Variants in GOLT1B observed in about 807,000 individuals in gnomAD.
GOLT1B encodes the protein golgi transport 1B.
In GOLT1B, 3 loss-of-function variants were observed where a neutral mutation model predicts 15.4. That is an observed-to-expected ratio of 0.19 (90% CI 0.09 to 0.50). GOLT1B has a LOEUF of 0.50. Among genes scored for constraint, GOLT1B ranks in the 20% least tolerant of loss-of-function variants. The pLI is 0.97. For missense variants in GOLT1B, 145 were observed against 160.4 expected (o/e 0.90, Z 0.52); for synonymous variants, 65 against 56.2 (o/e 1.16, Z -0.70).
intron 3 of GOLT1B, 75 bp from the exon 4 acceptor site, chr12:21,512,220 T>C (rs1297111378): frequency 2.5e-6 from 2 of 793,434 alleles, no homozygotes; most frequent in Non-Finnish European, 4.4e-6. Context: ...GGATACTTTC[T>C]TTTTCCTTGG....
chr12:21,507,039 T>C (rs16923862), intron 2 of GOLT1B, 63 bp downstream of exon 2: 105,734 of 708,670 alleles, frequency 0.15, 9,738 homozygotes, highest in African/African-American at 0.33. Context: ...GAATGAATTA[T>C]TATCTGCTAT....
rs1216576361 is a variant in GOLT1B, at chr12:21,516,993, G to C, written c.*1286G>C. ...TTCTTTAGTTTTACAAGATGTGACA[G>C]CTTTAGTGGTAGATGTAGGGAAACA... is the stretch of plus-strand genomic sequence containing the variant. On this transcript the variant is annotated 3_prime_UTR_variant, in exon 5 of 5. Transcript: ENST00000229314. 6.6e-6 allele frequency: 1 copy of C among 152,444 alleles called. No individual in the cohort carries two copies. The highest frequency in any genetic ancestry group is 2.4e-5 in the African/African-American group (1 of 41,446). The allele number at this position is 152,444 out of a possible 1,614,324, so 9.4% of individuals were successfully genotyped here.
intron 3 of GOLT1B, among the ~76,000 whole-genome samples, chr12:21,509,018 A>G (rs61926332): frequency 0.22 from 32,876 of 152,142 alleles, 3,953 homozygotes; most frequent in South Asian, 0.35. Flanking sequence ...TTGTTTACCA[A>G]ATACACTACT....
chr12:21,504,384 G>C (rs1943663336), intron 1 of GOLT1B, among the ~76,000 whole-genome samples: 1 of 152,196 alleles, frequency 6.6e-6, no homozygotes, highest in African/African-American at 2.4e-5. Flanking sequence ...AGGCCAATTT[G>C]AGACTTTTGA....
chr12:21,513,928 G>A (rs760318660), intron 4 of GOLT1B, among the ~76,000 whole-genome samples: 2 of 152,166 alleles, frequency 1.3e-5, no homozygotes, highest in African/African-American at 2.4e-5. Flanking sequence ...AATATCTGCC[G>A]TATAATGGAA....
rs920027412 is a variant in GOLT1B at position 21,516,984 on chromosome 12, G to A, written c.*1277G>A. On this transcript the variant is annotated 3_prime_UTR_variant, in exon 5 of 5. Transcript: ENST00000229314. ...ATAGCTGTTTTCTTTAGTTTTACAAGATGTGACAGCTTTAGTGGTAGATGT... is the reference window on the plus strand; with the variant it reads ...ATAGCTGTTTTCTTTAGTTTTACAAAATGTGACAGCTTTAGTGGTAGATGT... 1 of 152,406 alleles carries A rather than the reference G, an allele frequency of 6.6e-6. No individual in the cohort carries two copies. The highest frequency in any genetic ancestry group is 1.9e-4 in the East Asian group (1 of 5,194). 9.4% of individuals were successfully genotyped at this position (152,406 alleles called of 1,614,324 possible). A position where few individuals can be genotyped will look rare whatever the true frequency, so the allele number is the denominator to read the frequency against.
intron 4 of GOLT1B, among the ~76,000 whole-genome samples, chr12:21,513,438 C>T (rs1031986044): frequency 3.0e-4 from 45 of 152,220 alleles, no homozygotes; most frequent in African/African-American, 1.0e-3. Context: ...GTGGCTGACT[C>T]GGGGTGTGCT....
chr12:21,504,786 T>C (rs1469599404), intron 1 of GOLT1B, among the ~76,000 whole-genome samples: 2 of 152,198 alleles, frequency 1.3e-5, no homozygotes, highest in Admixed American at 1.3e-4. Context: ...TACTCAGAGA[T>C]TGGCCTTTTT....
In GOLT1B at chr12:21,508,410, G is replaced by A. The variant is rs762824979; in HGVS notation, c.145G>A (p.Val49Ile). 22 of 1,571,894 alleles carry A rather than the reference G, an allele frequency of 1.4e-5. No homozygotes were observed. The Admixed American group carries it at 3.7e-4, about 26-fold the overall frequency. ...TTTATTTGTAGCCGGCTTGGCTTTT[G>A]TAATTGGTTTAGAAAGAACATTCAG... ...NVLFVAGLAFVIGLERTFRFF... is the reference protein window; with the variant it reads ...NVLFVAGLAFIIGLERTFRFF... The change falls in exon 3 of 5, where the codon GTA becomes ATA. Residue 49 changes from valine to isoleucine, a missense_variant. Physicochemically the swap from Val to Ile is conservative, Grantham distance 29. Transcript: ENST00000229314.
In GOLT1B at chr12:21,516,883, CTG is replaced by C. The variant is rs1303279729; in HGVS notation, c.*1179_*1180del. ...AAGTCATTTCACTGTAATAAACTGA[CTG>C]TGGTTTCTTAAGAACATGACACTAA... On this transcript the variant is annotated 3_prime_UTR_variant, in exon 5 of 5. Coordinates refer to ENST00000229314, the MANE Select transcript of GOLT1B (RefSeq NM_016072.5). 6.6e-6 allele frequency: 1 copy of C among 152,194 alleles called. No homozygotes were observed. The highest frequency in any genetic ancestry group is 2.4e-5 in the African/African-American group (1 of 41,376). The allele number at this position is 152,194 out of a possible 1,614,324, so 9.4% of individuals were successfully genotyped here.
At chr12:21,512,813 C>T (rs914206177) in intron 4 of GOLT1B, among the ~76,000 whole-genome samples, 1 of 151,988 alleles carries the variant, frequency 6.6e-6, no homozygotes, top group African/African-American at 2.4e-5. Flanking sequence ...TGGCTCACAC[C>T]CTGCACTTTG....
At chr12:21,512,252 G>A (rs1445996443) in intron 3 of GOLT1B, 43 bp from the exon 4 acceptor site, 2 of 954,122 alleles carry the variant, frequency 2.1e-6, no homozygotes. Context: ...TTTGAAAATA[G>A]AAAATGTGTA....
intron 2 of GOLT1B, chr12:21,507,992 TTGGGTGACATATTTA>T (rs933318699): frequency 4.2e-5 from 19 of 451,198 alleles, no homozygotes; most frequent in African/African-American, 3.6e-4. Flanking sequence ...AGGAATACCC[TTGGGTGACATATTTA>T]TGGGCAGCTT....
intron 4 of GOLT1B, chr12:21,515,230 G>A: frequency 7.0e-7 from 1 of 1,431,252 alleles, no homozygotes; most frequent in Non-Finnish European, 9.5e-7. Context: ...AAATCTGTTT[G>A]TCCAAAGACT....
chr12:21,510,005 G>C (rs991182250), intron 3 of GOLT1B, among the ~76,000 whole-genome samples: 5 of 152,110 alleles, frequency 3.3e-5, no homozygotes, highest in Admixed American at 1.3e-4. Context: ...CGGGGGAGTG[G>C]GGCACAGAGG....
At chr12:21,502,117 G>A (rs1943633503) in intron 1 of GOLT1B, among the ~76,000 whole-genome samples, 169 bp downstream of exon 1, 1 of 152,220 alleles carries the variant, frequency 6.6e-6, no homozygotes, top group African/African-American at 2.4e-5. Context: ...GGATGCCGGG[G>A]CTAGACTTGG....
intron 1 of GOLT1B, among the ~76,000 whole-genome samples, chr12:21,505,596 C>A (rs996516304): frequency 6.6e-6 from 1 of 152,048 alleles, no homozygotes; most frequent in Non-Finnish European, 1.5e-5. Flanking sequence ...GGAAATTGAG[C>A]AGGTGGGGAA....
Position 21,516,645 on chromosome 12 carries a change from ATAAAT to A in GOLT1B, c.*943_*947del, listed in dbSNP as rs1489561115. The A allele has an allele frequency of 6.6e-6, 1 of 151,786 alleles. No individual in the cohort carries two copies. Among genetic ancestry groups the A allele is most frequent in the Non-Finnish European group, 1.5e-5 (1 of 67,866 alleles). The allele number at this position is 151,786 out of a possible 1,614,324, so 9.4% of individuals were successfully genotyped here. A position where few individuals can be genotyped will look rare whatever the true frequency, so the allele number is the denominator to read the frequency against. ...AGCAGTGGCTTATTATTTGTTTTTC[ATAAAT>A]TAAAATAACTTTTGATAATGTTTAC... is the stretch of plus-strand genomic sequence containing the variant. On this transcript the variant is annotated 3_prime_UTR_variant, in exon 5 of 5. Transcript: ENST00000229314.
At position 21,516,635 on chromosome 12, in the gene GOLT1B, T is replaced by A. The variant is rs1162428851; in HGVS notation, c.*928T>A. On this transcript the variant is annotated 3_prime_UTR_variant, in exon 5 of 5. Coordinates refer to ENST00000229314, the MANE Select transcript of GOLT1B (RefSeq NM_016072.5). ...TTTAAATTTTAGCAGTGGCTTATTATTTGTTTTTCATAAATTAAAATAACT... is the reference window on the plus strand; with the variant it reads ...TTTAAATTTTAGCAGTGGCTTATTAATTGTTTTTCATAAATTAAAATAACT... 1 of 152,106 alleles carries A rather than the reference T, an allele frequency of 6.6e-6. No individual in the cohort carries two copies. The highest frequency in any genetic ancestry group is 6.5e-5 in the Admixed American group (1 of 15,272). 9.4% of individuals were successfully genotyped at this position (152,106 alleles called of 1,614,324 possible). A position where few individuals can be genotyped will look rare whatever the true frequency, so the allele number is the denominator to read the frequency against.
Sources: allele counts gnomAD v4.1 joint callset (sites outside exome capture counted in the v4.1 genomes callset), GRCh38; gene constraint gnomAD v4.1.1; transcripts MANE v1.5; gene names NCBI Gene and HGNC (gene_info 2026-07-23, HGNC 2026-07-21).